Variants in VEZT observed in about 807,000 individuals in gnomAD.
VEZT encodes the protein vezatin, adherens junctions transmembrane protein.
VEZT carries 39 observed loss-of-function variants against 79.9 expected under a neutral mutation model. That is an observed-to-expected ratio of 0.49 (90% CI 0.38 to 0.64). VEZT has a LOEUF of 0.64. Ranked by LOEUF, VEZT falls within the 30% of genes least tolerant of loss-of-function variation. VEZT has a pLI of 0.00. For missense variants in VEZT, 837 were observed against 893.1 expected (o/e 0.94, Z 0.80); for synonymous variants, 325 against 327.6 (o/e 0.99, Z 0.09).
chr12:95,250,302 A>AG (rs1242664800), intron 1 of VEZT, among the ~76,000 whole-genome samples: 1 of 112,280 alleles, frequency 8.9e-6, no homozygotes, highest in Non-Finnish European at 1.9e-5. Flanking sequence ...TTAATTTTTT[A>AG]ATTTTTTTTT....
At chr12:95,223,325 T>C in intron 1 of VEZT, among the ~76,000 whole-genome samples, 1 of 152,226 alleles carries the variant, frequency 6.6e-6, no homozygotes, top group East Asian at 1.9e-4. Flanking sequence ...GTTTTCAAAA[T>C]TATTGATATA....
At chr12:95,246,202 G>A (rs1041890123) in intron 1 of VEZT, among the ~76,000 whole-genome samples, 3 of 151,748 alleles carry the variant, frequency 2.0e-5, no homozygotes, top group South Asian at 4.2e-4. Flanking sequence ...AGCTCACTGC[G>A]ACCTCCACCT....
At chr12:95,238,982 A>C (rs1352078211) in intron 1 of VEZT, among the ~76,000 whole-genome samples, 1 of 152,196 alleles carries the variant, frequency 6.6e-6, no homozygotes, top group South Asian at 2.1e-4. Flanking sequence ...TCTAAAATAC[A>C]TTCGATGAAG....
intron 1 of VEZT, among the ~76,000 whole-genome samples, chr12:95,219,569 C>T (rs929028415): frequency 6.6e-6 from 1 of 152,068 alleles, no homozygotes; most frequent in African/African-American, 2.4e-5. Flanking sequence ...TATCCCCTCA[C>T]GTGTATCATA....
chr12:95,296,510 A>G (rs2074169062), intron 11 of VEZT: 1 of 289,042 alleles, frequency 3.5e-6, no homozygotes, highest in Non-Finnish European at 6.3e-6. Context: ...TAGAATGGGC[A>G]GTGAGTTGAA....
intron 1 of VEZT, among the ~76,000 whole-genome samples, chr12:95,221,471 A>G (rs2136440648): frequency 6.6e-6 from 1 of 152,208 alleles, no homozygotes; most frequent in East Asian, 1.9e-4. Flanking sequence ...AGGCTGAGGC[A>G]TGAGAATCGC....
chr12:95,269,606 A>C (rs1482662182), intron 5 of VEZT, among the ~76,000 whole-genome samples: 5 of 152,212 alleles, frequency 3.3e-5, no homozygotes. Context: ...TAAGAATTTA[A>C]AAGTGTTTAT....
chr12:95,270,760 G>T (rs1052925909), intron 6 of VEZT, among the ~76,000 whole-genome samples: 2 of 152,146 alleles, frequency 1.3e-5, no homozygotes, highest in Non-Finnish European at 2.9e-5. Context: ...AAAGTGATCA[G>T]ACATCATCTA....
chr12:95,274,970 T>C, intron 7 of VEZT, 81 bp downstream of exon 7: 1 of 1,504,788 alleles, frequency 6.6e-7, no homozygotes, highest in Non-Finnish European at 8.9e-7. Context: ...ATGTAAATAG[T>C]GCGTTTGTTC....
At chr12:95,242,115 G>A (rs2061101728) in intron 1 of VEZT, 1 of 152,124 alleles carries the variant, frequency 6.6e-6, no homozygotes, top group African/African-American at 2.4e-5. Flanking sequence ...ATTTATTTTA[G>A]ATCTTATCTA....
intron 1 of VEZT, among the ~76,000 whole-genome samples, chr12:95,233,461 A>G (rs6538622): frequency 0.48 from 73,524 of 151,882 alleles, 18,135 homozygotes; most frequent in African/African-American, 0.57. Flanking sequence ...GTGCAGTGGC[A>G]CAATCTTGGC....
chr12:95,265,002 G>A (rs530586543), intron 4 of VEZT, among the ~76,000 whole-genome samples: 8 of 150,896 alleles, frequency 5.3e-5, no homozygotes, highest in South Asian at 2.1e-4. Context: ...CAGGGACTAC[G>A]GATGCATGCA....
At chr12:95,253,398 G>T (rs1211082744) in intron 2 of VEZT, among the ~76,000 whole-genome samples, 1 of 152,220 alleles carries the variant, frequency 6.6e-6, no homozygotes, top group East Asian at 1.9e-4. Flanking sequence ...CTAACACCCA[G>T]AAGGTGAGAG....
chr12:95,276,881 C>G (rs1356646111), intron 7 of VEZT, among the ~76,000 whole-genome samples: 1 of 152,130 alleles, frequency 6.6e-6, no homozygotes, highest in East Asian at 1.9e-4. Flanking sequence ...CAATAAATGG[C>G]ACCACAAAAA....
chr12:95,237,615 A>G (rs866842012), intron 1 of VEZT, among the ~76,000 whole-genome samples: 1 of 152,214 alleles, frequency 6.6e-6, no homozygotes, highest in African/African-American at 2.4e-5. Flanking sequence ...GGGAAAACAC[A>G]GCACTGGAAT....
At chr12:95,269,249 G>A (rs1052743284) in intron 5 of VEZT, among the ~76,000 whole-genome samples, 1 of 152,168 alleles carries the variant, frequency 6.6e-6, no homozygotes, top group Admixed American at 6.5e-5. Flanking sequence ...GTTATGAAAT[G>A]TAATACATTG....
intron 1 of VEZT, among the ~76,000 whole-genome samples, chr12:95,240,577 A>T (rs986017881): frequency 6.6e-6 from 1 of 152,216 alleles, no homozygotes; most frequent in Non-Finnish European, 1.5e-5. Flanking sequence ...TGATTATCAC[A>T]ATACTTAGTG....
In VEZT at chr12:95,296,127, A is replaced by T; in HGVS notation, c.1700A>T (p.Glu567Val). 6.4e-7 allele frequency: 1 copy of T among 1,565,122 alleles called. No homozygotes were observed. The highest frequency in any genetic ancestry group is 8.7e-7 in the Non-Finnish European group (1 of 1,153,410). ...RKDDFYYLSQ[E>V]DKERQKREHE... ...GATGATTTTTATTACTTGTCTCAAG[A>T]AGACAAAGAGAGACAGAAGCGTGAG... Residue 567 changes from glutamate (E) to valine (V), a missense_variant, in exon 11 of 12, where the codon GAA becomes GTA. Physicochemically the swap from Glu to Val is moderately radical, Grantham distance 121 (BLOSUM62 -2). Coordinates refer to ENST00000436874, the MANE Select transcript of VEZT (RefSeq NM_017599.4).
chr12:95,246,956 C>A (rs1396477658), intron 1 of VEZT, among the ~76,000 whole-genome samples: 1 of 152,134 alleles, frequency 6.6e-6, no homozygotes, highest in African/African-American at 2.4e-5. Flanking sequence ...CCATCTAATA[C>A]TTTATGAAAA....
Sources: gnomAD v4.1 joint callset for allele counts (sites outside exome capture counted in the v4.1 genomes callset) on GRCh38, gnomAD v4.1.1 for gene constraint, MANE v1.5 for transcripts, NCBI Gene and HGNC (gene_info 2026-07-23, HGNC 2026-07-21) for gene names.